The following PHEX variants were observed in gnomAD, a reference collection of about 807,000 sequenced individuals.
The protein encoded by PHEX is phosphate regulating endopeptidase X-linked, also known as phosphate-regulating neutral endopeptidase PHEX.
PHEX carries 16 observed loss-of-function variants against 68.0 expected under a neutral mutation model. That is an observed-to-expected ratio of 0.24 (90% CI 0.16 to 0.36). PHEX has a LOEUF of 0.36. Ranked by LOEUF, PHEX falls within the 10% of genes least tolerant of loss-of-function variation. The pLI is 1.00. For missense variants in PHEX, 480 were observed against 575.5 expected (o/e 0.83, Z 1.70); for synonymous variants, 208 against 205.1 (o/e 1.01, Z -0.12).
chrX:22,040,966 G>A (rs1927247783), intron 2 of PHEX, among the ~76,000 whole-genome samples: 1 of 109,306 alleles, frequency 9.1e-6, no homozygotes, highest in South Asian at 4.1e-4. Context: ...TGTACGCCAG[G>A]TGACAGACGA....
At chrX:22,082,960 G>A (rs944426086) in intron 5 of PHEX, among the ~76,000 whole-genome samples, 2 of 111,809 alleles carry the variant, frequency 1.8e-5, no homozygotes, top group Non-Finnish European at 3.8e-5. Context: ...TCAAACTATA[G>A]TATAAGGCTG....
intron 3 of PHEX, among the ~76,000 whole-genome samples, chrX:22,048,496 G>A (rs184846339): frequency 2.4e-3 from 271 of 110,743 alleles, no homozygotes; most frequent in African/African-American, 8.0e-3. Context: ...ACACACACAC[G>A]CGCGCACAGT....
intron 1 of PHEX, 92 bp from the exon 2 acceptor site, chrX:22,038,377 T>C (rs1422546470): frequency 1.5e-5 from 9 of 612,806 alleles, no homozygotes; most frequent in Non-Finnish European, 2.6e-5. Flanking sequence ...AAGGATGAAC[T>C]GATATCAAAT....
chrX:22,191,165 G>A (rs1355418793), intron 15 of PHEX, among the ~76,000 whole-genome samples: 1 of 111,106 alleles, frequency 9.0e-6, no homozygotes, highest in Admixed American at 9.6e-5. Context: ...GAGTACAGGT[G>A]TGCACCACCA....
intron 12 of PHEX, among the ~76,000 whole-genome samples, chrX:22,162,222 CAG>C (rs1437131442): frequency 8.9e-6 from 1 of 112,088 alleles, no homozygotes; most frequent in Non-Finnish European, 1.9e-5. Context: ...GACTCATATG[CAG>C]AGTCTGGCTT....
chrX:22,128,855 C>T, intron 11 of PHEX, among the ~76,000 whole-genome samples: 1 of 100,038 alleles, frequency 1.0e-5, no homozygotes, highest in African/African-American at 3.6e-5. Flanking sequence ...TCCAAGACCC[C>T]CCCCAACCCC....
intron 20 of PHEX, among the ~76,000 whole-genome samples, chrX:22,241,956 C>G (rs1011375868): frequency 7.2e-5 from 8 of 111,738 alleles, no homozygotes; most frequent in Non-Finnish European, 1.3e-4. Context: ...ATACCAAAAC[C>G]TGGCAGAGAC....
At chrX:22,080,457 A>G (rs917707249) in intron 5 of PHEX, among the ~76,000 whole-genome samples, 4 of 111,482 alleles carry the variant, frequency 3.6e-5, no homozygotes, top group Non-Finnish European at 5.6e-5. Context: ...AGTCTTCCTG[A>G]TGACACATTT....
chrX:22,050,448 G>T (rs936485043), intron 3 of PHEX, among the ~76,000 whole-genome samples: 1 of 109,526 alleles, frequency 9.1e-6, no homozygotes, highest in Non-Finnish European at 1.9e-5. Flanking sequence ...ACGCATGGTG[G>T]AAATCCCAGC....
At chrX:22,233,035 T>TTTA (rs1935823325) in intron 20 of PHEX, among the ~76,000 whole-genome samples, 1 of 111,611 alleles carries the variant, frequency 9.0e-6, no homozygotes, top group Non-Finnish European at 1.9e-5. Context: ...TGTAAAGGAT[T>TTTA]TTATTTCTCC....
At chrX:22,037,598 C>A (rs1927085207) in intron 1 of PHEX, among the ~76,000 whole-genome samples, 1 of 111,530 alleles carries the variant, frequency 9.0e-6, no homozygotes, top group African/African-American at 3.3e-5. Context: ...AGATATTAAG[C>A]CATTGGTGAA....
chrX:22,188,918 C>G (rs1934113754), intron 14 of PHEX, among the ~76,000 whole-genome samples: 1 of 112,266 alleles, frequency 8.9e-6, no homozygotes, highest in Non-Finnish European at 1.9e-5. Flanking sequence ...CCCTACCGCC[C>G]TTCCCAACCT....
At position 22,090,511 on chromosome X, in the gene PHEX, A is replaced by G. The variant is rs1249512175; in HGVS notation, c.732+14A>G. 5.3e-6 allele frequency: 6 copies of G among 1,124,943 alleles called. No homozygotes were observed. The highest frequency in any genetic ancestry group is 7.4e-6 in the Non-Finnish European group (6 of 816,259). 92.7% of individuals were successfully genotyped at this position (1,124,943 alleles called of 1,213,427 possible). Reference sequence around the variant, plus strand: ...GAAGCCAAGTCTGTAAGTTTTACTCATATTCAACTATGTGCCTTACCAGGC... The same window carrying G: ...GAAGCCAAGTCTGTAAGTTTTACTCGTATTCAACTATGTGCCTTACCAGGC... On this transcript the variant is annotated intron_variant, in intron 6 of 21. Transcript: ENST00000379374.
intron 3 of PHEX, among the ~76,000 whole-genome samples, chrX:22,051,810 TA>T (rs1192418996): frequency 1.8e-5 from 2 of 111,728 alleles, no homozygotes; most frequent in African/African-American, 6.5e-5. Context: ...AATATATCTA[TA>T]AATGTAGAGA....
Position 22,251,127 on chromosome X carries a change from G to T in PHEX, c.*3174G>T, listed in dbSNP as rs1347530050. On this transcript the variant is annotated 3_prime_UTR_variant, in exon 22 of 22. Coordinates refer to ENST00000379374, the MANE Select transcript of PHEX (RefSeq NM_000444.6). ...CATATTACATTATGGAAGAATATAC[G>T]ATTGCTTCATATAACAACATTCTCA... 8.9e-6 allele frequency: 1 copy of T among 112,319 alleles called. No homozygotes were observed. Among genetic ancestry groups the T allele is most frequent in the Non-Finnish European group, 1.9e-5 (1 of 53,257 alleles). The allele number at this position is 112,319 out of a possible 1,213,427, so 9.3% of individuals were successfully genotyped here.
intron 5 of PHEX, among the ~76,000 whole-genome samples, chrX:22,089,856 C>T (rs1247419629): frequency 1.8e-5 from 2 of 111,818 alleles, no homozygotes; most frequent in African/African-American, 3.3e-5. Flanking sequence ...CTAACATTTG[C>T]GAAGGTTTCT....
At chrX:22,102,432 C>T (rs1249035685) in intron 9 of PHEX, among the ~76,000 whole-genome samples, 2 of 112,185 alleles carry the variant, frequency 1.8e-5, no homozygotes, top group Non-Finnish European at 3.8e-5. Flanking sequence ...AATGGTCCTC[C>T]GTTGTGTATA....
At chrX:22,043,534 G>A (rs1927379267) in intron 2 of PHEX, among the ~76,000 whole-genome samples, 1 of 111,933 alleles carries the variant, frequency 8.9e-6, no homozygotes, top group Admixed American at 9.5e-5. Flanking sequence ...GCTGCATGGT[G>A]TTTCTCTCAT....
At position 22,139,833 on chromosome X, in the gene PHEX, C is replaced by T. The variant is rs144994139; in HGVS notation, c.1404+6209C>T. Among the ~76,000 whole-genome samples the T allele has an allele frequency of 1.3e-4, 14 of 110,936 alleles. No homozygotes were observed. In the East Asian group the frequency reaches 4.0e-3, roughly 31 times the overall value. ...GGGATTACAGTGTGAGCCACTGCCA[C>T]ACCCAGCCAACATATATTTATTAAA... On this transcript the variant is annotated intron_variant, in intron 12 of 21. Transcript: ENST00000379374.
Sources: gnomAD v4.1 joint callset for allele counts (sites outside exome capture counted in the v4.1 genomes callset) on GRCh38, gnomAD v4.1.1 for gene constraint, MANE v1.5 for transcripts, NCBI Gene and HGNC (gene_info 2026-07-23, HGNC 2026-07-21) for gene names.